Variants in JADE3 observed in about 807,000 individuals in gnomAD.
JADE3 encodes the protein jade family PHD finger 3.
In JADE3, 2 loss-of-function variants were observed where a neutral mutation model predicts 50.1. The ratio of observed to expected loss-of-function variants is 0.04; its 90% CI spans 0.02 to 0.13. The LOEUF (loss-of-function observed/expected upper bound fraction) is 0.13, where lower values mean the gene tolerates loss of function less well. JADE3 is among the 10% of genes least tolerant of loss of function. JADE3 has a pLI of 1.00. For missense variants in JADE3, 475 were observed against 634.4 expected, an observed-to-expected ratio of 0.75 and a Z score of 2.70; for synonymous variants, 218 against 232.9, an observed-to-expected ratio of 0.94 and a Z score of 0.58.
Position 47,008,374 on chromosome X carries a change from A to G in JADE3, c.284+10097A>G, listed in dbSNP as rs971551304. On this transcript the variant is annotated intron_variant, in intron 4 of 10. Transcript: ENST00000614628. ...AACTAATCCACACTTAGAAGGGAAT[A>G]TGACAATTTGCCAAGGGGTAGAAAA... 2.7e-5 allele frequency among the ~76,000 whole-genome samples: 3 copies of G among 112,106 alleles called. No individual in the cohort carries two copies. The East Asian group carries it at 8.3e-4, about 31-fold the overall frequency.
chrX:47,015,581 C>CAA (rs56831185), intron 4 of JADE3, among the ~76,000 whole-genome samples: 754 of 67,192 alleles, frequency 0.011, 9 homozygotes, highest in African/African-American at 0.032. Flanking sequence ...AAGACTGTCT[C>CAA]AAAAAAAAAA....
Position 46,918,549 on chromosome X carries a change from G to C in JADE3, c.-12+5830G>C, listed in dbSNP as rs145891781. Among the ~76,000 whole-genome samples, 736 of 112,028 alleles carry C rather than the reference G, an allele frequency of 6.6e-3. 4 individuals carry two copies. Among genetic ancestry groups the C allele is most frequent in the African/African-American group, 0.023 (708 of 30,811 alleles). On this transcript the variant is annotated intron_variant, in intron 1 of 10. Transcript: ENST00000614628. ...TTCACAGGAGGAAAACCAGTGTTCT[G>C]TTCCCCTTCCCATAAGTACTAGGCC...
chrX:46,996,631 T>C (rs1023967741), intron 3 of JADE3, among the ~76,000 whole-genome samples: 1 of 111,811 alleles, frequency 8.9e-6, no homozygotes, highest in South Asian at 3.8e-4. Flanking sequence ...TTGATTGATT[T>C]GTGGATCAAT....
intron 1 of JADE3, among the ~76,000 whole-genome samples, chrX:46,972,288 T>A (rs1207778629): frequency 9.2e-6 from 1 of 108,596 alleles, no homozygotes; most frequent in Non-Finnish European, 1.9e-5. Context: ...CTCCACCTCC[T>A]GGGTTCAAGC....
chrX:46,971,437 A>C (rs797036431), intron 1 of JADE3, among the ~76,000 whole-genome samples: 2 of 109,945 alleles, frequency 1.8e-5, no homozygotes, highest in Non-Finnish European at 3.8e-5. Flanking sequence ...ATATATGTAC[A>C]TAAATTAAGA....
In JADE3 at chrX:47,059,020, G is replaced by C; in HGVS notation, c.2415G>C (p.Arg805=). Residue 805 remains arginine, a synonymous_variant, in exon 11 of 11, where the codon CGG becomes CGC. Transcript: ENST00000614628. The stretch of plus-strand genomic sequence containing the variant: ...AAAATCCTCCCCATGACTCTAGACG[G>C]GATTGCCATGGTAAAAGCAAGACAC... ...DRENPPHDSR[R]DCHGKSKTHP... is the part of the protein sequence containing the mutation. 8.3e-7 allele frequency: 1 copy of C among 1,207,244 alleles called. No individual in the cohort carries two copies. Among genetic ancestry groups the C allele is most frequent in the Non-Finnish European group, 1.1e-6 (1 of 894,154 alleles).
chrX:46,994,319 G>A (rs1199215300), intron 3 of JADE3, among the ~76,000 whole-genome samples: 1 of 111,802 alleles, frequency 8.9e-6, no homozygotes, highest in Non-Finnish European at 1.9e-5. Context: ...ACACAGTGTT[G>A]GGCTTGGCAT....
chrX:46,927,330 GA>G (rs1383199401), intron 1 of JADE3, among the ~76,000 whole-genome samples: 1 of 112,207 alleles, frequency 8.9e-6, no homozygotes, highest in East Asian at 2.8e-4. Context: ...ATTCATCTTT[GA>G]TGAATTAAAA....
At chrX:47,034,052 A>G (rs1556367358) in intron 7 of JADE3, among the ~76,000 whole-genome samples, 1 of 111,431 alleles carries the variant, frequency 9.0e-6, no homozygotes, top group South Asian at 3.9e-4. Flanking sequence ...ATAATACCCA[A>G]ATATATACAT....
chrX:47,056,047 C>A, intron 9 of JADE3, 35 bp from the exon 10 acceptor site: 1 of 929,394 alleles, frequency 1.1e-6, no homozygotes, highest in Non-Finnish European at 1.5e-6. Context: ...CTTAACATGA[C>A]AAACATCTCT....
At chrX:47,003,416 TG>T (rs1556359605) in intron 4 of JADE3, among the ~76,000 whole-genome samples, 1 of 108,939 alleles carries the variant, frequency 9.2e-6, no homozygotes, top group Non-Finnish European at 1.9e-5. Flanking sequence ...GGTTAAATTT[TG>T]GGGGTGACAC....
chrX:46,953,558 C>T (rs193177290), intron 1 of JADE3, among the ~76,000 whole-genome samples: 71 of 111,774 alleles, frequency 6.4e-4, no homozygotes, highest in African/African-American at 2.2e-3. Context: ...GAAGTCTTCA[C>T]TGATATTTTA....
chrX:47,056,068 G>T lies in JADE3; in HGVS notation c.1444-14G>T. 9.4e-7 allele frequency: 1 copy of T among 1,065,268 alleles called. No homozygotes were observed. Among genetic ancestry groups the T allele is most frequent in the Non-Finnish European group, 1.3e-6 (1 of 767,038 alleles). 87.8% of individuals were successfully genotyped at this position (1,065,268 alleles called of 1,213,427 possible). A position where few individuals can be genotyped will look rare whatever the true frequency, so the allele number is the denominator to read the frequency against. Reference sequence around the variant, plus strand: ...ATGACAAACATCTCTATTTGTTGGGGATTGGGCTTTCAGGTCCGAAATCTG... The same window carrying T: ...ATGACAAACATCTCTATTTGTTGGGTATTGGGCTTTCAGGTCCGAAATCTG... On this transcript the variant is annotated splice_polypyrimidine_tract_variant and intron_variant, in intron 9 of 10. Transcript: ENST00000614628.
At chrX:47,049,793 G>A (rs1252988221) in intron 8 of JADE3, among the ~76,000 whole-genome samples, 1 of 77,198 alleles carries the variant, frequency 1.3e-5, no homozygotes, top group African/African-American at 5.2e-5. Flanking sequence ...AGGGAGTCTC[G>A]CCCTGTCGTC....
At chrX:46,927,272 T>C (rs1283363568) in intron 1 of JADE3, among the ~76,000 whole-genome samples, 2 of 112,572 alleles carry the variant, frequency 1.8e-5, no homozygotes, top group Non-Finnish European at 3.7e-5. Context: ...TATGACATAC[T>C]GAATATATTA....
chrX:46,972,302 T>A (rs1927515467), intron 1 of JADE3, among the ~76,000 whole-genome samples: 1 of 110,456 alleles, frequency 9.1e-6, no homozygotes, highest in Non-Finnish European at 1.9e-5. Flanking sequence ...TTCAAGCAAT[T>A]CTCATGCCTC....
Position 46,989,648 on chromosome X carries a change from A to C in JADE3, c.126+3856A>C, listed in dbSNP as rs781878245. Reference sequence around the variant, plus strand: ...AGATTTTTCTTTGTCTTTAGTTTTTAAAAGTTAGATTATGATGTACCTGGG... The same window carrying C: ...AGATTTTTCTTTGTCTTTAGTTTTTCAAAGTTAGATTATGATGTACCTGGG... On this transcript the variant is annotated intron_variant, in intron 3 of 10. Coordinates refer to ENST00000614628, the MANE Select transcript of JADE3 (RefSeq NM_014735.5). 8.9e-5 allele frequency among the ~76,000 whole-genome samples: 10 copies of C among 111,774 alleles called. No individual in the cohort carries two copies. The East Asian group carries it at 2.8e-3, about 31-fold the overall frequency.
intron 6 of JADE3, among the ~76,000 whole-genome samples, chrX:47,029,939 C>G (rs1556366386): frequency 1.8e-5 from 2 of 111,470 alleles, no homozygotes; most frequent in African/African-American, 6.5e-5. Flanking sequence ...ATACCACAAC[C>G]CACCCAGTAT....
rs4382602 is a variant in JADE3 at position 46,926,667 on chromosome X, A to G, written c.-12+13948A>G. On this transcript the variant is annotated intron_variant, in intron 1 of 10. Transcript: ENST00000614628. ...TCCTTTGTGCTGACTCTTTAGTCAT[A>G]CTCTCTTTCCATCCTAAACTCTGGC... 3.3e-3 allele frequency among the ~76,000 whole-genome samples: 370 copies of G among 112,121 alleles called. 1 individual carries two copies. The highest frequency in any genetic ancestry group is 0.011 in the African/African-American group (355 of 30,894).
Sources: allele counts gnomAD v4.1 joint callset (sites outside exome capture counted in the v4.1 genomes callset), GRCh38; gene constraint gnomAD v4.1.1; transcripts MANE v1.5; gene names NCBI Gene and HGNC (gene_info 2026-07-23, HGNC 2026-07-21).